Variants in SEMA3A observed in about 807,000 individuals in gnomAD.
The protein encoded by SEMA3A is semaphorin-3A.
A neutral mutation model predicts 97.9 loss-of-function variants in SEMA3A; 29 were observed. The observed-to-expected ratio is 0.30, with a 90% CI of 0.22 to 0.40. The LOEUF is 0.40. SEMA3A is among the 10% of genes least tolerant of loss of function. SEMA3A has a pLI of 1.00. For synonymous variants in SEMA3A, 321 were observed against 323.7 expected (o/e 0.99, Z 0.09); for missense variants, 763 against 951.3 (o/e 0.80, Z 2.60).
chr7:84,162,651 C>T (rs890860342), intron 1 of SEMA3A, among the ~76,000 whole-genome samples: 2 of 152,084 alleles, frequency 1.3e-5, no homozygotes, highest in Non-Finnish European at 2.9e-5. Flanking sequence ...AGCAGCTCAA[C>T]TCCCTTTATT....
chr7:84,321,346 A>G (rs990185499), intron 2 of SEMA3A, among the ~76,000 whole-genome samples: 2 of 152,188 alleles, frequency 1.3e-5, no homozygotes, highest in Non-Finnish European at 2.9e-5. Context: ...TATAATTATC[A>G]CTAAAATTAA....
In SEMA3A at chr7:84,395,729, G is replaced by C. The variant is rs546788987; in HGVS notation, c.-245-23829C>G. On this transcript the variant is annotated intron_variant, in intron 1 of 3. Transcript: ENST00000424555. ...TCGGCACTTCTTCCTGCTGCCCTTT[G>C]AAGAAGGTGCCTTTCTTCCCTTTCA... 8.5e-4 allele frequency among the ~76,000 whole-genome samples: 129 copies of C among 152,170 alleles called. 1 individual carries two copies. The highest frequency in any genetic ancestry group is 2.5e-3 in the South Asian group (12 of 4,820).
At chr7:84,348,486 G>T (rs989736322) in intron 2 of SEMA3A, among the ~76,000 whole-genome samples, 7 of 152,222 alleles carry the variant, frequency 4.6e-5, no homozygotes, top group African/African-American at 1.7e-4. Context: ...TTTCAGAAGA[G>T]AAACAATCAT....
intron 4 of SEMA3A, among the ~76,000 whole-genome samples, chr7:84,066,269 T>C (rs576225818): frequency 2.0e-5 from 3 of 152,006 alleles, no homozygotes; most frequent in Non-Finnish European, 4.4e-5. Context: ...TGGGACGTAT[T>C]TCAAAATAAT....
chr7:84,451,780 T>C (rs912881705), intron 1 of SEMA3A, among the ~76,000 whole-genome samples: 5 of 152,194 alleles, frequency 3.3e-5, no homozygotes, highest in African/African-American at 9.7e-5. Flanking sequence ...GGACACTTCA[T>C]TGCAAATAGG....
chr7:83,989,451 A>G lies in SEMA3A; in HGVS notation c.1453-3974T>C, dbSNP rs1404318051. Among the ~76,000 whole-genome samples, 14 of 106,282 alleles carry G rather than the reference A, an allele frequency of 1.3e-4. No homozygotes were observed. In the East Asian group the frequency reaches 2.5e-3, roughly 19 times the overall value. The allele number at this position is 106,282 out of a possible 152,430, so 69.7% of individuals were successfully genotyped here. A position where few individuals can be genotyped will look rare whatever the true frequency, so the allele number is the denominator to read the frequency against. ...CATCTAGCATTAGGTATATCTCCCA[A>G]TGCTATCCCTCCCCCCTCCCCCCAC... On this transcript the variant is annotated intron_variant, in intron 12 of 16. Coordinates refer to ENST00000265362, the MANE Select transcript of SEMA3A (RefSeq NM_006080.3).
At chr7:83,980,623 A>AAAAAAAAAAAAAAATATATAT (rs1310318006) in intron 14 of SEMA3A, among the ~76,000 whole-genome samples, 21 of 71,718 alleles carry the variant, frequency 2.9e-4, no homozygotes, top group Non-Finnish European at 4.1e-4. Flanking sequence ...AAAAAAAAAA[A>AAAAAAAAAAAAAAATATATAT]ATATATATAT....
intron 1 of SEMA3A, among the ~76,000 whole-genome samples, chr7:84,181,746 G>A (rs1797742489): frequency 6.6e-6 from 1 of 152,104 alleles, no homozygotes; most frequent in Admixed American, 6.6e-5. Flanking sequence ...TATAACCGCA[G>A]ACAGTCTCAG....
chr7:84,191,265 A>C (rs1798031395), intron 1 of SEMA3A, among the ~76,000 whole-genome samples: 2 of 151,126 alleles, frequency 1.3e-5, no homozygotes, highest in Non-Finnish European at 3.0e-5. Flanking sequence ...TAGAAAAAAG[A>C]AAGCTTTCAG....
intron 1 of SEMA3A, among the ~76,000 whole-genome samples, chr7:84,469,969 G>C (rs1806106219): frequency 6.6e-6 from 1 of 151,502 alleles, no homozygotes; most frequent in Admixed American, 6.6e-5. Context: ...TGTGTTATTA[G>C]ATTTTTTAAT....
At chr7:84,107,155 T>TTC in intron 4 of SEMA3A, among the ~76,000 whole-genome samples, 1 of 152,288 alleles carries the variant, frequency 6.6e-6, no homozygotes, top group South Asian at 2.1e-4. Context: ...GCTATTTTAT[T>TTC]TCTCACTCTC....
chr7:84,385,216 G>T (rs2116154947), intron 1 of SEMA3A, among the ~76,000 whole-genome samples: 1 of 152,278 alleles, frequency 6.6e-6, no homozygotes, highest in African/African-American at 2.4e-5. Flanking sequence ...AGGAGGCATT[G>T]TGAGGGGTGC....
intron 2 of SEMA3A, among the ~76,000 whole-genome samples, chr7:84,360,581 G>A (rs1802692307): frequency 6.6e-6 from 1 of 152,096 alleles, no homozygotes; most frequent in East Asian, 1.9e-4. Context: ...TTACATTTAA[G>A]CAGATTATAG....
At chr7:84,428,705 C>A (rs1174288700) in intron 1 of SEMA3A, among the ~76,000 whole-genome samples, 1 of 151,354 alleles carries the variant, frequency 6.6e-6, no homozygotes, top group African/African-American at 2.4e-5. Context: ...TCTTTAAGTA[C>A]TTTCCACCAA....
intron 4 of SEMA3A, among the ~76,000 whole-genome samples, chr7:84,067,620 A>G (rs1027837537): frequency 2.0e-5 from 3 of 152,362 alleles, no homozygotes; most frequent in South Asian, 4.1e-4. Flanking sequence ...AAGGACATGA[A>G]CAGACACTTC....
chr7:84,404,906 G>A (rs7811967), intron 1 of SEMA3A, among the ~76,000 whole-genome samples: 20,935 of 151,626 alleles, frequency 0.14, 2,786 homozygotes, highest in African/African-American at 0.35. Flanking sequence ...ACTAAACATG[G>A]AAAGGAACAA....
chr7:83,995,190 T>G (rs985005579), intron 12 of SEMA3A, among the ~76,000 whole-genome samples: 3 of 152,054 alleles, frequency 2.0e-5, no homozygotes, highest in Non-Finnish European at 2.9e-5. Flanking sequence ...CACGGTGCGC[T>G]CACCCACTGA....
intron 4 of SEMA3A, among the ~76,000 whole-genome samples, chr7:84,072,989 C>G (rs1793798988): frequency 6.6e-6 from 1 of 152,044 alleles, no homozygotes; most frequent in Admixed American, 6.6e-5. Context: ...TTTCCAAAAA[C>G]ATGGTTTTAA....
At chr7:84,449,786 G>A (rs962795662) in intron 1 of SEMA3A, among the ~76,000 whole-genome samples, 3 of 152,054 alleles carry the variant, frequency 2.0e-5, no homozygotes, top group Non-Finnish European at 4.4e-5. Flanking sequence ...GTCTGCTTCT[G>A]TGAGTTTGAC....
Sources: gnomAD v4.1 joint callset for allele counts (sites outside exome capture counted in the v4.1 genomes callset) on GRCh38, gnomAD v4.1.1 for gene constraint, MANE v1.5 for transcripts, NCBI Gene and HGNC (gene_info 2026-07-23, HGNC 2026-07-21) for gene names.